The following IRF2 variants were observed in gnomAD, a reference collection of about 807,000 sequenced individuals.
IRF2 encodes the protein interferon regulatory factor 2.
In IRF2, 15 loss-of-function variants were observed where a neutral mutation model predicts 40.6. The ratio of observed to expected loss-of-function variants is 0.37; its 90% confidence interval spans 0.25 to 0.57. The LOEUF is 0.57. IRF2 is among the 20% of genes least tolerant of loss of function. IRF2 has a pLI of 0.77. For missense variants in IRF2, 317 were observed against 455.7 expected (o/e 0.70, Z 2.77); for synonymous variants, 151 against 165.5 (o/e 0.91, Z 0.67).
Position 184,465,692 on chromosome 4 carries a change from C to A in IRF2, c.-7+8687G>T, listed in dbSNP as rs186402012. 3.8e-3 allele frequency among the ~76,000 whole-genome samples: 577 copies of A among 152,264 alleles called. 2 individuals carry two copies. The highest frequency in any genetic ancestry group is 6.5e-3 in the Non-Finnish European group (445 of 68,024). ...TGCTCGAAAACACGAGCTTTATAAGCTACCTATAGTCTGTCTGGATGTGCC... is the reference window on the plus strand; with the variant it reads ...TGCTCGAAAACACGAGCTTTATAAGATACCTATAGTCTGTCTGGATGTGCC... On this transcript the variant is annotated intron_variant, in intron 1 of 8. Transcript: ENST00000393593.
chr4:184,457,381 TG>T (rs1349291071), intron 1 of IRF2, among the ~76,000 whole-genome samples: 1 of 152,186 alleles, frequency 6.6e-6, no homozygotes, highest in Non-Finnish European at 1.5e-5. Context: ...TCGGAAGACC[TG>T]GGGACACTCT....
intron 1 of IRF2, 35 bp from the exon 2 acceptor site, chr4:184,429,105 G>A (rs2149904054): frequency 1.3e-6 from 2 of 1,539,416 alleles, no homozygotes; most frequent in East Asian, 2.3e-5. Flanking sequence ...AGGCGTTGGT[G>A]CCACTCAGTG....
intron 6 of IRF2, chr4:184,407,068 A>T: frequency 1.8e-6 from 1 of 547,824 alleles, no homozygotes; most frequent in Non-Finnish European, 3.0e-6. Context: ...TTATCAAGAA[A>T]CACAACAGGG....
intron 7 of IRF2, among the ~76,000 whole-genome samples, chr4:184,395,511 C>T (rs576488795): frequency 2.0e-5 from 3 of 151,462 alleles, no homozygotes; most frequent in Admixed American, 6.6e-5. Context: ...GGCAAATGGC[C>T]GACTCTACTG....
At chr4:184,467,190 A>G (rs969157116) in intron 1 of IRF2, among the ~76,000 whole-genome samples, 6 of 152,300 alleles carry the variant, frequency 3.9e-5, no homozygotes, top group Non-Finnish European at 8.8e-5. Flanking sequence ...CAGTCTTTCA[A>G]CTGGTCCTTG....
chr4:184,409,578 T>C (rs1278649383), intron 5 of IRF2, among the ~76,000 whole-genome samples: 1 of 152,142 alleles, frequency 6.6e-6, no homozygotes, highest in Non-Finnish European at 1.5e-5. Flanking sequence ...CTCTTCTCTC[T>C]TACAAGTTCT....
chr4:184,388,705 AACAAC>A lies in IRF2; in HGVS notation c.*48_*52del. 1 of 1,540,518 alleles carries A rather than the reference AACAAC, an allele frequency of 6.5e-7. No homozygotes were observed. Among genetic ancestry groups the A allele is most frequent in the East Asian group, 2.3e-5 (1 of 44,312 alleles). ...GAGAGAAAAAAATAAAATACAAACA[AACAAC>A]AAAACAAAGCCAAGAAGCCCCAACA... On this transcript the variant is annotated 3_prime_UTR_variant, in exon 9 of 9. Transcript: ENST00000393593. This position sits in a 1 kb window ranked among gnomAD's most constrained non-coding sequence, Gnocchi z 4.6.
At chr4:184,451,571 T>C (rs1317496907) in intron 1 of IRF2, among the ~76,000 whole-genome samples, 1 of 152,184 alleles carries the variant, frequency 6.6e-6, no homozygotes, top group Non-Finnish European at 1.5e-5. Flanking sequence ...TCATGAGAAC[T>C]GAGGATCCAA....
At chr4:184,468,373 G>A (rs1446789679) in intron 1 of IRF2, among the ~76,000 whole-genome samples, 1 of 152,088 alleles carries the variant, frequency 6.6e-6, no homozygotes, top group Non-Finnish European at 1.5e-5. Context: ...TGTAATCCCA[G>A]CTACTCGGGA....
chr4:184,438,157 G>A (rs1221895191), intron 1 of IRF2, among the ~76,000 whole-genome samples: 1 of 152,124 alleles, frequency 6.6e-6, no homozygotes, highest in Non-Finnish European at 1.5e-5. Context: ...CAAGCCACAT[G>A]AGGCAGAGTA....
In IRF2 at chr4:184,425,978, T is replaced by TTTTTTTTG. The variant is rs1272983548; in HGVS notation, c.87+2999_87+3000insCAAAAAAA. On this transcript the variant is annotated intron_variant, in intron 2 of 8. Transcript: ENST00000393593. ...AGGTCTCTGCAGGGCTCACTCCGGTTTTTGTTTGTTTGTTTGTTTGTTTGT... is the reference window on the plus strand; with the variant it reads ...AGGTCTCTGCAGGGCTCACTCCGGTTTTTTTTTGTTTGTTTGTTTGTTTGTTTGTTTGT... 8.9e-3 allele frequency among the ~76,000 whole-genome samples: 882 copies of TTTTTTTTG among 99,016 alleles called. 6 individuals are homozygous for TTTTTTTTG. Among genetic ancestry groups the TTTTTTTTG allele is most frequent in the Non-Finnish European group, 0.015 (550 of 37,898 alleles). The allele number at this position is 99,016 out of a possible 152,430, so 65.0% of individuals were successfully genotyped here. A position where few individuals can be genotyped will look rare whatever the true frequency, so the allele number is the denominator to read the frequency against.
chr4:184,414,915 A>T (rs1196391512), intron 5 of IRF2, among the ~76,000 whole-genome samples: 1 of 152,250 alleles, frequency 6.6e-6, no homozygotes, highest in Non-Finnish European at 1.5e-5. Context: ...ACATATTTGG[A>T]TAGACTAAGT....
chr4:184,441,794 G>C (rs557936779), intron 1 of IRF2, among the ~76,000 whole-genome samples: 18 of 152,232 alleles, frequency 1.2e-4, no homozygotes, highest in Non-Finnish European at 2.2e-4. Flanking sequence ...AGCATCCCAA[G>C]AACGTGGGTA....
At position 184,425,334 on chromosome 4, in the gene IRF2, T is replaced by TA. The variant is rs548878132; in HGVS notation, c.87+3643dup. On this transcript the variant is annotated intron_variant, in intron 2 of 8. Coordinates refer to ENST00000393593, the MANE Select transcript of IRF2 (RefSeq NM_002199.4). Reference sequence around the variant, plus strand: ...ACAAGCCTAAGTTAACGGAAACCTATAAAAAAATGCCCTGTGGGAGTGTAG... The same window carrying TA: ...ACAAGCCTAAGTTAACGGAAACCTATAAAAAAAATGCCCTGTGGGAGTGTAG... Among the ~76,000 whole-genome samples the TA allele has an allele frequency of 2.4e-4, 37 of 152,252 alleles. No homozygotes were observed. The East Asian group carries it at 3.1e-3, about 13-fold the overall frequency.
At chr4:184,466,341 G>A (rs891714445) in intron 1 of IRF2, among the ~76,000 whole-genome samples, 1 of 152,064 alleles carries the variant, frequency 6.6e-6, no homozygotes, top group Admixed American at 6.5e-5. Context: ...GTGAGCCACC[G>A]CGCACGGCCA....
At chr4:184,435,910 T>C (rs1738057136) in intron 1 of IRF2, among the ~76,000 whole-genome samples, 2 of 152,170 alleles carry the variant, frequency 1.3e-5, no homozygotes, top group South Asian at 4.1e-4. Flanking sequence ...AATCAGATCT[T>C]GAGGAACATA....
intron 7 of IRF2, among the ~76,000 whole-genome samples, chr4:184,396,430 T>C (rs895042941): frequency 6.6e-6 from 1 of 150,620 alleles, no homozygotes; most frequent in East Asian, 1.9e-4. Context: ...ATATATATTT[T>C]TTTTTCTTTT....
intron 5 of IRF2, among the ~76,000 whole-genome samples, chr4:184,416,328 C>CAAAAAAAAAAAAAAA (rs35274774): frequency 3.0e-5 from 3 of 100,166 alleles, no homozygotes; most frequent in Non-Finnish European, 5.9e-5. Context: ...AAAAAAAAAA[C>CAAAAAAAAAAAAAAA]AAAAAAAAAA....
chr4:184,430,731 T>C (rs528770401), intron 1 of IRF2, among the ~76,000 whole-genome samples: 1 of 152,314 alleles, frequency 6.6e-6, no homozygotes, highest in African/African-American at 2.4e-5. Flanking sequence ...GGTCTCACTC[T>C]GTCACCCAGA....
Sources: gnomAD v4.1 joint callset for allele counts (sites outside exome capture counted in the v4.1 genomes callset) on GRCh38, gnomAD v4.1.1 for gene constraint, Gnocchi (gnomAD v3.1) non-coding constraint, MANE v1.5 for transcripts, NCBI Gene and HGNC (gene_info 2026-07-23, HGNC 2026-07-21) for gene names.